Variants in CCDC171 observed in about 807,000 individuals in gnomAD.
CCDC171 encodes coiled-coil domain-containing protein 171.
In CCDC171, 177 loss-of-function variants were observed where a neutral mutation model predicts 168.2. The ratio of observed to expected loss-of-function variants is 1.05; its 90% confidence interval spans 0.93 to 1.19. The LOEUF (loss-of-function observed/expected upper bound fraction) is 1.19. Among genes scored for constraint, CCDC171 ranks in the 50% most tolerant of loss-of-function variants. The probability of loss-of-function intolerance (pLI) is 0.00; values close to 1 mark genes in which losing one functional copy is unlikely to be tolerated. For synonymous variants in CCDC171, 687 were observed against 540.8 expected (o/e 1.27, Z -3.75); for missense variants, 1,991 against 1,539.0 (o/e 1.29, Z -4.91).
At chr9:15,631,013 T>G (rs1314024700) in intron 7 of CCDC171, among the ~76,000 whole-genome samples, 2 of 151,688 alleles carry the variant, frequency 1.3e-5, no homozygotes, top group Admixed American at 1.3e-4. Flanking sequence ...CTGGGACACA[T>G]TCAAAGCAGT....
chr9:15,904,113 T>C (rs1653629062), intron 24 of CCDC171, among the ~76,000 whole-genome samples: 1 of 152,184 alleles, frequency 6.6e-6, no homozygotes, highest in Non-Finnish European at 1.5e-5. Context: ...CAGGATATTA[T>C]ACAGGAGAAC....
At chr9:15,959,177 G>A (rs1411793637) in intron 25 of CCDC171, among the ~76,000 whole-genome samples, 1 of 152,110 alleles carries the variant, frequency 6.6e-6, no homozygotes, top group Admixed American at 6.5e-5. Flanking sequence ...GAATAGCTTT[G>A]TGTTTTATCT....
At chr9:15,781,529 T>C (rs1377124836) in intron 20 of CCDC171, among the ~76,000 whole-genome samples, 1 of 152,188 alleles carries the variant, frequency 6.6e-6, no homozygotes, top group Non-Finnish European at 1.5e-5. Flanking sequence ...GGAATTCTCC[T>C]GCCTCAGCAG....
chr9:15,609,518 A>G lies in CCDC171; in HGVS notation c.676-13749A>G, dbSNP rs563222019. Among the ~76,000 whole-genome samples the G allele has an allele frequency of 1.3e-4, 20 of 152,308 alleles. No individual in the cohort carries two copies. The South Asian group carries it at 3.9e-3, about 30-fold the overall frequency. ...AAAGATAATGCGTATATAGCATGAG[A>G]TGGGATCTAATTTTGTTTTTCCAAA... On this transcript the variant is annotated intron_variant, in intron 6 of 25. Coordinates refer to ENST00000380701, the MANE Select transcript of CCDC171 (RefSeq NM_173550.4).
At chr9:15,870,656 AGT>A (rs2061995656) in intron 23 of CCDC171, among the ~76,000 whole-genome samples, 2 of 151,482 alleles carry the variant, frequency 1.3e-5, no homozygotes. Flanking sequence ...TCATTTCATG[AGT>A]GTGTGTTTTT....
chr9:15,819,571 C>A (rs184928606), intron 21 of CCDC171, among the ~76,000 whole-genome samples: 1 of 116,112 alleles, frequency 8.6e-6, no homozygotes, highest in African/African-American at 3.2e-5. Flanking sequence ...TTTAAACCAA[C>A]AAAGATGAAA....
At chr9:15,997,139 A>C (rs1832399313) in intron 3 of CCDC171, among the ~76,000 whole-genome samples, 1 of 152,242 alleles carries the variant, frequency 6.6e-6, no homozygotes, top group African/African-American at 2.4e-5. Flanking sequence ...CCATGTGCTG[A>C]TCTGACATTT....
intron 2 of CCDC171, among the ~76,000 whole-genome samples, chr9:15,569,259 A>T (rs183588409): frequency 2.7e-4 from 41 of 152,188 alleles, no homozygotes; most frequent in Non-Finnish European, 5.0e-4. Flanking sequence ...GGTTAAGAGG[A>T]TATATCATGG....
At chr9:15,743,449 G>A (rs2055037992) in intron 16 of CCDC171, among the ~76,000 whole-genome samples, 1 of 152,046 alleles carries the variant, frequency 6.6e-6, no homozygotes, top group Non-Finnish European at 1.5e-5. Context: ...GGGATTACAG[G>A]CGTGAGCCAT....
At chr9:15,898,972 T>G (rs1821276718) in intron 24 of CCDC171, among the ~76,000 whole-genome samples, 1 of 152,204 alleles carries the variant, frequency 6.6e-6, no homozygotes, top group African/African-American at 2.4e-5. Flanking sequence ...TATCACCCCC[T>G]GTCCTGCCAT....
At chr9:15,626,758 T>C (rs926121262) in intron 7 of CCDC171, among the ~76,000 whole-genome samples, 1 of 152,234 alleles carries the variant, frequency 6.6e-6, no homozygotes, top group African/African-American at 2.4e-5. Context: ...TCATCAGGGA[T>C]ATTGGTCTAA....
At chr9:15,872,033 A>T (rs1433513608) in intron 23 of CCDC171, among the ~76,000 whole-genome samples, 1 of 152,136 alleles carries the variant, frequency 6.6e-6, no homozygotes, top group Non-Finnish European at 1.5e-5. Flanking sequence ...AAAGTGGAAA[A>T]AACTCTTAAA....
At position 15,920,219 on chromosome 9, in the gene CCDC171, T is replaced by G. The variant is rs913261130; in HGVS notation, c.3601-51T>G. The G allele has an allele frequency of 2.5e-6, 3 of 1,180,066 alleles. No individual in the cohort carries two copies. The African/African-American group carries it at 4.7e-5, about 18-fold the overall frequency. The allele number at this position is 1,180,066 out of a possible 1,614,324, so 73.1% of individuals were successfully genotyped here. A position where few individuals can be genotyped will look rare whatever the true frequency, so the allele number is the denominator to read the frequency against. On this transcript the variant is annotated intron_variant, in intron 24 of 25. Transcript: ENST00000380701. ...GCTTTCAAATTATGGAAATTCTCCTTTGGGGACATATTTATTTGAATTATA... is the reference window on the plus strand; with the variant it reads ...GCTTTCAAATTATGGAAATTCTCCTGTGGGGACATATTTATTTGAATTATA...
intron 3 of CCDC171, among the ~76,000 whole-genome samples, chr9:15,575,098 A>G (rs1463801899): frequency 6.6e-6 from 1 of 151,988 alleles, no homozygotes; most frequent in Non-Finnish European, 1.5e-5. Flanking sequence ...TAGTGATAAC[A>G]GAGCAAGAAA....
intron 7 of CCDC171, among the ~76,000 whole-genome samples, chr9:15,646,264 G>A (rs1044588285): frequency 1.2e-4 from 19 of 152,162 alleles, no homozygotes; most frequent in Non-Finnish European, 2.6e-4. Context: ...ACATGGAAAG[G>A]AAAAACTGAT....
chr9:15,899,818 AT>A (rs1029524677), intron 24 of CCDC171, among the ~76,000 whole-genome samples: 12 of 151,784 alleles, frequency 7.9e-5, no homozygotes, highest in Admixed American at 5.9e-4. Flanking sequence ...TTGTGACAGA[AT>A]TTTTTTTCAT....
intron 3 of CCDC171, among the ~76,000 whole-genome samples, chr9:15,576,721 A>G (rs1444642151): frequency 2.0e-5 from 3 of 152,230 alleles, no homozygotes; most frequent in Admixed American, 1.3e-4. Context: ...ATCCACGTCG[A>G]TCTTGTACAC....
At chr9:15,868,314 G>A (rs1319966948) in intron 23 of CCDC171, among the ~76,000 whole-genome samples, 1 of 152,054 alleles carries the variant, frequency 6.6e-6, no homozygotes, top group Non-Finnish European at 1.5e-5. Context: ...TCTGCTGAGA[G>A]AGTGTCAAGG....
intron 7 of CCDC171, among the ~76,000 whole-genome samples, chr9:15,636,582 C>G (rs1478251454): frequency 6.6e-6 from 1 of 151,362 alleles, no homozygotes; most frequent in South Asian, 2.1e-4. Flanking sequence ...AATATCATCC[C>G]TACAAAAAAT....
Sources: allele counts gnomAD v4.1 joint callset (sites outside exome capture counted in the v4.1 genomes callset), GRCh38; gene constraint gnomAD v4.1.1; transcripts MANE v1.5; gene names NCBI Gene and HGNC (gene_info 2026-07-23, HGNC 2026-07-21).